MAPKAP1: variants seen among roughly 807,000 people sequenced by gnomAD.
The protein encoded by MAPKAP1 is MAPK associated protein 1, also known as target of rapamycin complex 2 subunit MAPKAP1.
In MAPKAP1, 20 loss-of-function variants were observed where a neutral mutation model predicts 65.7. That is an observed-to-expected ratio of 0.30 (90% CI 0.21 to 0.44). The LOEUF is 0.44. Ranked by LOEUF, MAPKAP1 falls within the 20% of genes least tolerant of loss-of-function variation. The probability of loss-of-function intolerance (pLI) is 1.00; values close to 1 mark genes in which losing one functional copy is unlikely to be tolerated. For synonymous variants in MAPKAP1, 222 were observed against 244.3 expected (o/e 0.91, Z 0.85); for missense variants, 423 against 648.0 (o/e 0.65, Z 3.77).
chr9:125,584,440 C>T (rs147170510), intron 5 of MAPKAP1, among the ~76,000 whole-genome samples: 218 of 152,234 alleles, frequency 1.4e-3, no homozygotes, highest in African/African-American at 4.9e-3. Flanking sequence ...AGAACATCTC[C>T]ATGAAAATCC....
chr9:125,462,717 T>A (rs1589213789), intron 10 of MAPKAP1, among the ~76,000 whole-genome samples: 1 of 152,246 alleles, frequency 6.6e-6, no homozygotes, highest in East Asian at 1.9e-4. Flanking sequence ...TATGGGTTAA[T>A]GAACCCATTA....
At chr9:125,672,207 T>A in intron 2 of MAPKAP1, 109 bp downstream of exon 2, 1 of 1,239,912 alleles carries the variant, frequency 8.1e-7, no homozygotes, top group South Asian at 1.4e-5. Context: ...ATGTTCCTAT[T>A]AATACCCGGA....
intron 7 of MAPKAP1, chr9:125,513,050 C>T (rs1033874008): frequency 1.3e-5 from 2 of 152,250 alleles, no homozygotes; most frequent in African/African-American, 2.4e-5. Flanking sequence ...TGGTTACCCA[C>T]TCCCGGGAGC....
intron 9 of MAPKAP1, among the ~76,000 whole-genome samples, chr9:125,474,046 T>C (rs1321447489): frequency 6.6e-6 from 1 of 152,200 alleles, no homozygotes; most frequent in Non-Finnish European, 1.5e-5. Context: ...TAATGATTAT[T>C]ATCAGAAGTC....
chr9:125,472,507 G>C (rs921731630), intron 9 of MAPKAP1, among the ~76,000 whole-genome samples: 2 of 152,190 alleles, frequency 1.3e-5, no homozygotes, highest in African/African-American at 4.8e-5. Context: ...GCATAGTTTT[G>C]ATTTCCTCGG....
At chr9:125,563,183 T>TA (rs1456245199) in intron 5 of MAPKAP1, among the ~76,000 whole-genome samples, 1 of 151,986 alleles carries the variant, frequency 6.6e-6, no homozygotes, top group Non-Finnish European at 1.5e-5. Context: ...TTTAAACAAA[T>TA]AAAAAACTGG....
chr9:125,689,166 G>A (rs1835079017), intron 1 of MAPKAP1, among the ~76,000 whole-genome samples: 2 of 152,078 alleles, frequency 1.3e-5, no homozygotes, highest in South Asian at 2.1e-4. Context: ...AGCCGGGCGC[G>A]GTGGCTCACG....
chr9:125,548,005 T>C (rs1238165942), intron 6 of MAPKAP1, among the ~76,000 whole-genome samples: 1 of 152,214 alleles, frequency 6.6e-6, no homozygotes, highest in Non-Finnish European at 1.5e-5. Context: ...GTTTAACAAT[T>C]ATAACAGCAA....
At position 125,468,045 on chromosome 9, in the gene MAPKAP1, C is replaced by A. The variant is rs1473867303; in HGVS notation, c.1272G>T (p.Trp424Cys). Residue 424 changes from tryptophan (W) to cysteine (C), a missense_variant, in exon 10 of 12, where the codon TGG becomes TGT. Trp to Cys is a radical substitution (Grantham distance 215). Transcript: ENST00000265960. ...CGATTGAGATGGGTTTCTGCTTAAT[C>A]CAAAACTTAGTGCTGGCTTTCTGAT... is the stretch of plus-strand genomic sequence containing the variant. Reference protein sequence around the residue: ...VTNQKASTKFWIKQKPISIDS... With the variant: ...VTNQKASTKFCIKQKPISIDS... 6.2e-7 allele frequency: 1 copy of A among 1,614,190 alleles called. No homozygotes were observed. Among genetic ancestry groups the A allele is most frequent in the Admixed American group, 1.7e-5 (1 of 60,028 alleles).
intron 11 of MAPKAP1, among the ~76,000 whole-genome samples, chr9:125,441,114 AGT>A (rs1852464447): frequency 6.6e-6 from 1 of 152,194 alleles, no homozygotes; most frequent in African/African-American, 2.4e-5. Flanking sequence ...TGCACTATAG[AGT>A]GTTTCATTTT....
intron 5 of MAPKAP1, among the ~76,000 whole-genome samples, chr9:125,566,467 A>C (rs1256169239): frequency 6.6e-6 from 1 of 152,154 alleles, no homozygotes; most frequent in Non-Finnish European, 1.5e-5. Flanking sequence ...TAGGAGGTGA[A>C]GTGCGAGGAT....
At chr9:125,453,044 G>A (rs535185733) in intron 10 of MAPKAP1, among the ~76,000 whole-genome samples, 36 of 152,196 alleles carry the variant, frequency 2.4e-4, no homozygotes, top group African/African-American at 8.2e-4. Context: ...TTAAATAAGA[G>A]TGGCATTATT....
At chr9:125,657,862 CT>C in intron 3 of MAPKAP1, 63 bp from the exon 4 acceptor site, 1 of 1,521,952 alleles carries the variant, frequency 6.6e-7, no homozygotes, top group East Asian at 2.3e-5. Context: ...TCCACCTTCC[CT>C]AAAAAGTCTT....
intron 7 of MAPKAP1, among the ~76,000 whole-genome samples, chr9:125,523,157 C>A (rs1829668065): frequency 6.6e-6 from 1 of 152,176 alleles, no homozygotes; most frequent in Admixed American, 6.5e-5. Flanking sequence ...GCCTTTACAT[C>A]TCATTCAGTT....
intron 6 of MAPKAP1, 81 bp from the exon 7 acceptor site, chr9:125,543,249 A>C: frequency 9.5e-7 from 1 of 1,051,552 alleles, no homozygotes; most frequent in Non-Finnish European, 1.5e-6. Context: ...TGTTTAAGCA[A>C]GTTTTTTTTG....
chr9:125,521,898 G>A, intron 7 of MAPKAP1: 3 of 778,664 alleles, frequency 3.9e-6, no homozygotes, highest in East Asian at 2.6e-5. Context: ...TCAGTCAGCA[G>A]ACTCTGTTAT....
In MAPKAP1 at chr9:125,703,006, G is replaced by A. The variant is rs1835649948; in HGVS notation, c.-70+3965C>T. ...AAACTGCACTCTAGCCTGATAGGAC[G>A]ATACCCTGTCTCTAAAAGTTAAATA... On this transcript the variant is annotated intron_variant, in intron 1 of 11. Coordinates refer to ENST00000265960, the MANE Select transcript of MAPKAP1 (RefSeq NM_001006617.3). 1.3e-5 allele frequency among the ~76,000 whole-genome samples: 2 copies of A among 152,148 alleles called. 1 individual carries two copies. The highest frequency in any genetic ancestry group is 4.1e-4 in the South Asian group (2 of 4,832).
intron 4 of MAPKAP1, among the ~76,000 whole-genome samples, chr9:125,621,185 T>C (rs1213886643): frequency 1.3e-5 from 2 of 151,774 alleles, no homozygotes; most frequent in African/African-American, 4.8e-5. Context: ...GGCAGGAGGA[T>C]CACTTGAGCC....
At chr9:125,501,634 T>G (rs1018473980) in intron 8 of MAPKAP1, among the ~76,000 whole-genome samples, 4 of 152,186 alleles carry the variant, frequency 2.6e-5, no homozygotes, top group Non-Finnish European at 1.5e-5. Flanking sequence ...TGAAGTCATG[T>G]GGGTTTGGAT....
Sources: allele counts gnomAD v4.1 joint callset (sites outside exome capture counted in the v4.1 genomes callset), GRCh38; gene constraint gnomAD v4.1.1; transcripts MANE v1.5; gene names NCBI Gene and HGNC (gene_info 2026-07-23, HGNC 2026-07-21).